The following LPAR3 variants were observed in gnomAD, a reference collection of about 807,000 sequenced individuals.
The protein encoded by LPAR3 is lysophosphatidic acid receptor 3.
LPAR3 carries 7 observed loss-of-function variants against 17.8 expected under a neutral mutation model. The observed-to-expected ratio is 0.39, with a 90% CI of 0.22 to 0.74. The LOEUF (loss-of-function observed/expected upper bound fraction) is 0.74. LPAR3 is among the 30% of genes least tolerant of loss of function. LPAR3 has a pLI of 0.40. For missense variants in LPAR3, 391 were observed against 453.4 expected, an observed-to-expected ratio of 0.86 and a Z score of 1.25; for synonymous variants, 179 against 179.9, an observed-to-expected ratio of 0.99 and a Z score of 0.04.
intron 1 of LPAR3, among the ~76,000 whole-genome samples, chr1:84,891,600 C>A (rs969387284): frequency 1.3e-5 from 2 of 152,176 alleles, no homozygotes; most frequent in Non-Finnish European, 2.9e-5. Flanking sequence ...AGATCCACTG[C>A]CCATGGAAAG....
At chr1:84,840,014 C>G (rs1385457495) in intron 2 of LPAR3, among the ~76,000 whole-genome samples, 1 of 152,200 alleles carries the variant, frequency 6.6e-6, no homozygotes, top group Non-Finnish European at 1.5e-5. Context: ...CCTTGAACTC[C>G]TGGGCTCAGG....
intron 1 of LPAR3, among the ~76,000 whole-genome samples, chr1:84,879,858 C>T (rs1319403936): frequency 6.6e-6 from 1 of 152,176 alleles, no homozygotes; most frequent in Non-Finnish European, 1.5e-5. Flanking sequence ...GCCTGTGATC[C>T]ACTTTGAACA....
intron 1 of LPAR3, among the ~76,000 whole-genome samples, chr1:84,890,686 G>A (rs1054681898): frequency 3.9e-5 from 6 of 152,176 alleles, no homozygotes; most frequent in Non-Finnish European, 8.8e-5. Flanking sequence ...ATAATCACAG[G>A]CCAGAAAGCA....
intron 2 of LPAR3, among the ~76,000 whole-genome samples, chr1:84,822,857 T>C (rs763590125): frequency 6.6e-6 from 1 of 152,192 alleles, no homozygotes; most frequent in Non-Finnish European, 1.5e-5. Context: ...CGTTGACATA[T>C]GAGTGGCACA....
chr1:84,829,608 C>T (rs76632792), intron 2 of LPAR3, among the ~76,000 whole-genome samples: 1 of 151,136 alleles, frequency 6.6e-6, no homozygotes, highest in Non-Finnish European at 1.5e-5. Context: ...TAGGAACTTA[C>T]AAAAGATCAC....
intron 2 of LPAR3, among the ~76,000 whole-genome samples, chr1:84,851,942 G>A (rs1298645724): frequency 6.6e-6 from 1 of 152,190 alleles, no homozygotes; most frequent in African/African-American, 2.4e-5. Context: ...GCAAGAAAAT[G>A]CTGGAGGAGG....
chr1:84,875,543 C>A (rs1316193571), intron 1 of LPAR3, among the ~76,000 whole-genome samples: 2 of 152,214 alleles, frequency 1.3e-5, no homozygotes, highest in Non-Finnish European at 2.9e-5. Context: ...TCCCTTCCAC[C>A]CCTCCACCAT....
chr1:84,879,436 C>T (rs1027114617), intron 1 of LPAR3, among the ~76,000 whole-genome samples: 10 of 151,424 alleles, frequency 6.6e-5, no homozygotes, highest in African/African-American at 2.4e-4. Context: ...CTCAGCCTCC[C>T]GAGTAGCTGG....
At chr1:84,835,512 G>A (rs1042896263) in intron 2 of LPAR3, among the ~76,000 whole-genome samples, 1 of 152,108 alleles carries the variant, frequency 6.6e-6, no homozygotes, top group Non-Finnish European at 1.5e-5. Flanking sequence ...AGCATATCTA[G>A]TCTCTTAAAA....
chr1:84,815,323 C>G (rs938438488), intron 2 of LPAR3, among the ~76,000 whole-genome samples: 2 of 152,172 alleles, frequency 1.3e-5, no homozygotes, highest in African/African-American at 4.8e-5. Context: ...TGCTTGTCCA[C>G]TCATAAATAT....
intron 2 of LPAR3, among the ~76,000 whole-genome samples, chr1:84,840,584 C>A (rs148780497): frequency 2.0e-5 from 3 of 152,174 alleles, no homozygotes; most frequent in African/African-American, 7.2e-5. Flanking sequence ...GCATAAGGAC[C>A]AAATTTATAA....
intron 2 of LPAR3, among the ~76,000 whole-genome samples, chr1:84,817,844 T>C (rs1658971620): frequency 6.6e-6 from 1 of 151,674 alleles, no homozygotes; most frequent in African/African-American, 2.4e-5. Context: ...CAAAGAATGA[T>C]GTAATTGTGA....
At chr1:84,889,292 G>T (rs11804110) in intron 1 of LPAR3, among the ~76,000 whole-genome samples, 1,937 of 152,210 alleles carry the variant, frequency 0.013, 37 homozygotes, top group African/African-American at 0.044. Context: ...ATTTGGGGGT[G>T]GGGGAGCAAT....
chr1:84,823,820 T>C (rs539291539), intron 2 of LPAR3, among the ~76,000 whole-genome samples: 9 of 152,312 alleles, frequency 5.9e-5, no homozygotes, highest in African/African-American at 2.2e-4. Flanking sequence ...GTGGCAGAGC[T>C]ACAGAGAAAA....
intron 1 of LPAR3, among the ~76,000 whole-genome samples, chr1:84,877,638 C>A (rs180870560): frequency 1.3e-5 from 2 of 152,118 alleles, no homozygotes; most frequent in Non-Finnish European, 2.9e-5. Context: ...CTCTATAATC[C>A]GTACAACTGG....
intron 2 of LPAR3, among the ~76,000 whole-genome samples, chr1:84,856,525 T>G (rs1264297769): frequency 6.6e-6 from 1 of 152,184 alleles, no homozygotes; most frequent in Non-Finnish European, 1.5e-5. Flanking sequence ...TCAGAATTCC[T>G]CACGAACTTA....
chr1:84,835,153 T>C (rs1375388938), intron 2 of LPAR3, among the ~76,000 whole-genome samples: 1 of 152,238 alleles, frequency 6.6e-6, no homozygotes, highest in South Asian at 2.1e-4. Flanking sequence ...TACAGGTGCT[T>C]ACTACACTGA....
intron 2 of LPAR3, among the ~76,000 whole-genome samples, chr1:84,818,571 G>C (rs1658986307): frequency 6.6e-6 from 1 of 152,138 alleles, no homozygotes; most frequent in Non-Finnish European, 1.5e-5. Context: ...AAAAAATATA[G>C]TGAACTTTAA....
intron 2 of LPAR3, among the ~76,000 whole-genome samples, chr1:84,863,362 A>G (rs1659976483): frequency 6.6e-6 from 1 of 152,212 alleles, no homozygotes; most frequent in African/African-American, 2.4e-5. Context: ...AGATCAGCAC[A>G]AGTCCACCAC....
Sources: gnomAD v4.1 joint callset for allele counts (sites outside exome capture counted in the v4.1 genomes callset) on GRCh38, gnomAD v4.1.1 for gene constraint, MANE v1.5 for transcripts, NCBI Gene and HGNC (gene_info 2026-07-23, HGNC 2026-07-21) for gene names.